CCSER1: variants seen among roughly 807,000 people sequenced by gnomAD.
The protein encoded by CCSER1 is serine-rich coiled-coil domain-containing protein 1.
Under a neutral mutation model 82.0 loss-of-function variants are expected in CCSER1, and 41 were observed. That is an observed-to-expected ratio of 0.50 (90% CI 0.39 to 0.65). CCSER1 has a LOEUF of 0.65. Ranked by LOEUF, CCSER1 falls within the 30% of genes least tolerant of loss-of-function variation. The probability of loss-of-function intolerance (pLI) is 0.00; values close to 1 mark genes in which losing one functional copy is unlikely to be tolerated. For synonymous variants in CCSER1, 414 were observed against 383.9 expected (o/e 1.08, Z -0.92); for missense variants, 1,119 against 1,064.2 (o/e 1.05, Z -0.72).
chr4:91,129,048 C>G, intron 10 of CCSER1, among the ~76,000 whole-genome samples: 1 of 152,032 alleles, frequency 6.6e-6, no homozygotes, highest in East Asian at 1.9e-4. Flanking sequence ...AACTCTATTT[C>G]TCTGCATTTG....
At chr4:90,415,443 A>C (rs1462881596) in intron 4 of CCSER1, among the ~76,000 whole-genome samples, 1 of 152,234 alleles carries the variant, frequency 6.6e-6, no homozygotes, top group Non-Finnish European at 1.5e-5. Context: ...TCAATATGGA[A>C]ATTAGGTAAA....
intron 10 of CCSER1, among the ~76,000 whole-genome samples, chr4:91,389,725 C>T (rs1035345257): frequency 1.3e-5 from 2 of 151,876 alleles, no homozygotes; most frequent in Non-Finnish European, 2.9e-5. Context: ...AATATCTGTT[C>T]ATTGATTTAG....
intron 1 of CCSER1, among the ~76,000 whole-genome samples, chr4:90,141,759 C>T (rs545538928): frequency 6.6e-6 from 1 of 152,292 alleles, no homozygotes; most frequent in South Asian, 2.1e-4. Flanking sequence ...AATGCCCCTC[C>T]AAAAACCCCT....
chr4:90,365,393 A>G (rs1249387529), intron 3 of CCSER1, among the ~76,000 whole-genome samples: 3 of 151,858 alleles, frequency 2.0e-5, no homozygotes, highest in Non-Finnish European at 3.0e-5. Flanking sequence ...ACACATATAT[A>G]CATACATTTC....
At chr4:91,079,198 G>A (rs1255986251) in intron 9 of CCSER1, among the ~76,000 whole-genome samples, 1 of 152,172 alleles carries the variant, frequency 6.6e-6, no homozygotes, top group African/African-American at 2.4e-5. Context: ...CCCACAAAGG[G>A]AAGCCCATCA....
intron 1 of CCSER1, among the ~76,000 whole-genome samples, chr4:90,294,907 A>G (rs1212865352): frequency 6.6e-6 from 1 of 151,992 alleles, no homozygotes; most frequent in Non-Finnish European, 1.5e-5. Context: ...ATTTAATATT[A>G]TACATACTAT....
At chr4:91,289,612 A>G (rs1168730383) in intron 10 of CCSER1, among the ~76,000 whole-genome samples, 1 of 152,026 alleles carries the variant, frequency 6.6e-6, no homozygotes, top group African/African-American at 2.4e-5. Context: ...ACAGCCAAGG[A>G]GAGAATTATG....
intron 10 of CCSER1, among the ~76,000 whole-genome samples, chr4:91,197,258 G>C (rs977405828): frequency 3.3e-5 from 5 of 152,136 alleles, no homozygotes. Flanking sequence ...CCCATATAAG[G>C]CTTTTCTCAA....
chr4:91,359,270 T>C (rs1236365024), intron 10 of CCSER1, among the ~76,000 whole-genome samples: 1 of 151,850 alleles, frequency 6.6e-6, no homozygotes, highest in Non-Finnish European at 1.5e-5. Flanking sequence ...TTCTAAGTTA[T>C]GAGTTGATTT....
intron 10 of CCSER1, among the ~76,000 whole-genome samples, chr4:91,523,815 A>G (rs1420216235): frequency 6.6e-6 from 1 of 152,120 alleles, no homozygotes; most frequent in Non-Finnish European, 1.5e-5. Context: ...TCATCTTTAC[A>G]AAAAACCAGC....
chr4:90,438,450 A>C (rs1759365992), intron 4 of CCSER1, among the ~76,000 whole-genome samples: 1 of 152,190 alleles, frequency 6.6e-6, no homozygotes, highest in Non-Finnish European at 1.5e-5. Flanking sequence ...GTATACTATA[A>C]GAGAACAGGA....
intron 4 of CCSER1, among the ~76,000 whole-genome samples, chr4:90,418,186 T>C (rs1203811771): frequency 6.6e-6 from 1 of 152,070 alleles, no homozygotes; most frequent in Non-Finnish European, 1.5e-5. Flanking sequence ...GGAGAAACAA[T>C]AAGTTAAAGC....
At chr4:91,471,211 T>C (rs942326143) in intron 10 of CCSER1, among the ~76,000 whole-genome samples, 7 of 152,182 alleles carry the variant, frequency 4.6e-5, no homozygotes, top group African/African-American at 1.7e-4. Context: ...TAAGATGTAA[T>C]GCATCAGAGA....
At chr4:90,522,408 C>G (rs549751652) in intron 5 of CCSER1, among the ~76,000 whole-genome samples, 2 of 152,272 alleles carry the variant, frequency 1.3e-5, no homozygotes, top group South Asian at 4.1e-4. Flanking sequence ...GAACAATCTT[C>G]TAACTGAGCT....
chr4:90,235,420 C>T (rs1017389034), intron 1 of CCSER1: 5 of 152,238 alleles, frequency 3.3e-5, no homozygotes, highest in African/African-American at 1.2e-4. Context: ...CTTTTCCCTT[C>T]TTCCTCTGAG....
At chr4:91,452,937 A>G (rs1439208712) in intron 10 of CCSER1, among the ~76,000 whole-genome samples, 1 of 152,092 alleles carries the variant, frequency 6.6e-6, no homozygotes, top group African/African-American at 2.4e-5. Flanking sequence ...TAAAGATTTC[A>G]TTGTTCAAAT....
At chr4:91,088,906 A>G (rs1266191191) in intron 10 of CCSER1, among the ~76,000 whole-genome samples, 1 of 152,038 alleles carries the variant, frequency 6.6e-6, no homozygotes, top group Non-Finnish European at 1.5e-5. Context: ...AATTTTTCTT[A>G]AAAGACTTTA....
chr4:91,380,270 G>T (rs968237346), intron 10 of CCSER1, among the ~76,000 whole-genome samples: 1 of 152,116 alleles, frequency 6.6e-6, no homozygotes, highest in African/African-American at 2.4e-5. Flanking sequence ...GGTCCACTTA[G>T]TGCAGAACTG....
chr4:91,482,642 C>G (rs567790394), intron 10 of CCSER1, among the ~76,000 whole-genome samples: 26 of 152,032 alleles, frequency 1.7e-4, no homozygotes, highest in African/African-American at 6.0e-4. Context: ...GACACATGCA[C>G]ACGTATATAT....
Sources: gnomAD v4.1 joint callset for allele counts (sites outside exome capture counted in the v4.1 genomes callset) on GRCh38, gnomAD v4.1.1 for gene constraint, MANE v1.5 for transcripts, NCBI Gene and HGNC (gene_info 2026-07-23, HGNC 2026-07-21) for gene names.